Variants in WDR41 observed in about 807,000 individuals in gnomAD.
WDR41 encodes WD repeat domain 41, also known as WD repeat-containing protein 41.
A neutral mutation model predicts 69.3 loss-of-function variants in WDR41; 63 were observed. The ratio of observed to expected loss-of-function variants is 0.91; its 90% CI spans 0.74 to 1.12. The LOEUF is 1.12. WDR41 is among the 50% of genes most tolerant of loss of function. The pLI is 0.00. For synonymous variants in WDR41, 185 were observed against 192.1 expected (o/e 0.96, Z 0.31); for missense variants, 543 against 534.5 (o/e 1.02, Z -0.16).
chr5:77,600,226 T>C (rs1396480508), intron 1 of WDR41, among the ~76,000 whole-genome samples: 3 of 152,124 alleles, frequency 2.0e-5, no homozygotes, highest in Non-Finnish European at 2.9e-5. Context: ...AATCACACAC[T>C]AAAAATAATA....
chr5:77,551,720 G>A (rs573311235), intron 1 of WDR41, among the ~76,000 whole-genome samples: 78 of 151,420 alleles, frequency 5.2e-4, no homozygotes, highest in African/African-American at 1.7e-3. Flanking sequence ...GCTGTTGACT[G>A]TAGTACCAGC....
At chr5:77,553,437 G>T (rs1396314612) in intron 1 of WDR41, among the ~76,000 whole-genome samples, 1 of 152,104 alleles carries the variant, frequency 6.6e-6, no homozygotes, top group Non-Finnish European at 1.5e-5. Flanking sequence ...GAATCCCCCT[G>T]ATTTAATCAC....
At chr5:77,574,662 G>C (rs369994327) in intron 1 of WDR41, among the ~76,000 whole-genome samples, 1 of 152,174 alleles carries the variant, frequency 6.6e-6, no homozygotes, top group Non-Finnish European at 1.5e-5. Context: ...GTACTTGAGA[G>C]AGCCTAATGA....
intron 1 of WDR41, among the ~76,000 whole-genome samples, chr5:77,590,398 G>A (rs1054161463): frequency 6.6e-6 from 1 of 152,102 alleles, no homozygotes; most frequent in Admixed American, 6.5e-5. Context: ...GACATACAAC[G>A]CCCAGAAGGA....
intron 9 of WDR41, among the ~76,000 whole-genome samples, chr5:77,439,794 CTTTT>C (rs1240590373): frequency 6.6e-6 from 1 of 152,082 alleles, no homozygotes; most frequent in Non-Finnish European, 1.5e-5. Flanking sequence ...AAATACAAAA[CTTTT>C]AAATATTAAT....
At position 77,537,871 on chromosome 5, in the gene WDR41, T is replaced by A. The variant is rs187682864; in HGVS notation, c.43-48299A>T. Among the ~76,000 whole-genome samples the A allele has an allele frequency of 2.5e-3, 383 of 152,296 alleles. 1 individual carries two copies. The highest frequency in any genetic ancestry group is 8.6e-3 in the African/African-American group (358 of 41,570). On this transcript the variant is annotated intron_variant, in intron 1 of 5. Transcript: ENST00000509971. ...AGATGAATAAGTAAATGAGAGATTATTTAAATGTGACTGGAGTATAGAATA... is the reference window on the plus strand; with the variant it reads ...AGATGAATAAGTAAATGAGAGATTAATTAAATGTGACTGGAGTATAGAATA...
intron 1 of WDR41, among the ~76,000 whole-genome samples, chr5:77,505,926 A>G (rs551425873): frequency 2.6e-5 from 4 of 152,168 alleles, no homozygotes; most frequent in Admixed American, 1.3e-4. Flanking sequence ...CCTAAAACCA[A>G]AAACACCCTA....
intron 1 of WDR41, among the ~76,000 whole-genome samples, chr5:77,596,185 G>C (rs1027357282): frequency 6.6e-6 from 1 of 152,254 alleles, no homozygotes; most frequent in African/African-American, 2.4e-5. Context: ...GTCTCACTCT[G>C]TTGCCAAGCT....
At chr5:77,469,986 C>A (rs911917598) in intron 2 of WDR41, among the ~76,000 whole-genome samples, 9 of 150,630 alleles carry the variant, frequency 6.0e-5, no homozygotes, top group African/African-American at 2.0e-4. Flanking sequence ...TCAGATTCAC[C>A]AAAGTTGAAA....
upstream of WDR41, among the ~76,000 whole-genome samples, chr5:77,496,969 C>A (rs550669461): frequency 1.3e-4 from 20 of 152,078 alleles, no homozygotes; most frequent in African/African-American, 4.6e-4. Flanking sequence ...ATTTTTTTGA[C>A]AAGTGTACTA....
chr5:77,580,056 T>C (rs1159484009), intron 1 of WDR41, among the ~76,000 whole-genome samples: 1 of 150,856 alleles, frequency 6.6e-6, no homozygotes, highest in Middle Eastern at 3.2e-3. Context: ...GGAATAGAGC[T>C]ATATAAGAGT....
intron 12 of WDR41, 32 bp downstream of exon 12, chr5:77,436,229 T>C: frequency 6.3e-7 from 1 of 1,596,960 alleles, no homozygotes; most frequent in South Asian, 1.1e-5. Flanking sequence ...AAGCAGGAGT[T>C]GCTTGGACAT....
At chr5:77,494,407 T>C (rs1350876650), upstream of WDR41, among the ~76,000 whole-genome samples, 1 of 151,732 alleles carries the variant, frequency 6.6e-6, no homozygotes, top group Non-Finnish European at 1.5e-5. Flanking sequence ...AACTATATGC[T>C]GTCTATGAAA....
intron 1 of WDR41, among the ~76,000 whole-genome samples, chr5:77,567,759 C>T (rs1341909510): frequency 1.3e-5 from 2 of 151,266 alleles, no homozygotes; most frequent in Non-Finnish European, 2.9e-5. Context: ...AAATCTTTCT[C>T]TAGAGAGTCT....
intron 9 of WDR41, among the ~76,000 whole-genome samples, chr5:77,439,289 C>T (rs1799067094): frequency 6.6e-6 from 1 of 152,212 alleles, no homozygotes; most frequent in Non-Finnish European, 1.5e-5. Context: ...CTTTCTCACA[C>T]AGCCTCCAAG....
At chr5:77,517,338 C>A (rs556200514) in intron 1 of WDR41, among the ~76,000 whole-genome samples, 1 of 152,124 alleles carries the variant, frequency 6.6e-6, no homozygotes, top group Non-Finnish European at 1.5e-5. Context: ...CAACTTCTAA[C>A]CAGAGCTTAC....
chr5:77,587,506 A>G (rs1744061998), intron 1 of WDR41, among the ~76,000 whole-genome samples: 1 of 152,156 alleles, frequency 6.6e-6, no homozygotes, highest in Admixed American at 6.5e-5. Flanking sequence ...TCAACACTTG[A>G]TATGGTCTAT....
chr5:77,479,145 A>G (rs1046321288), intron 2 of WDR41, among the ~76,000 whole-genome samples: 8 of 152,078 alleles, frequency 5.3e-5, no homozygotes, highest in African/African-American at 1.9e-4. Flanking sequence ...AAGGAGAACT[A>G]CAAACCACTG....
intron 1 of WDR41, among the ~76,000 whole-genome samples, chr5:77,615,605 GTTTGTGTGA>G (rs2112348770): frequency 7.2e-6 from 1 of 138,064 alleles, no homozygotes; most frequent in Admixed American, 7.8e-5. Flanking sequence ...GCAATAATGA[GTTTGTGTGA>G]TTTTCCAATA....
Sources: allele counts gnomAD v4.1 joint callset (sites outside exome capture counted in the v4.1 genomes callset), GRCh38; gene constraint gnomAD v4.1.1; transcripts MANE v1.5; gene names NCBI Gene and HGNC (gene_info 2026-07-23, HGNC 2026-07-21).